PCDHA1: variants seen among roughly 807,000 people sequenced by gnomAD.
The protein encoded by PCDHA1 is protocadherin alpha-1.
Under a neutral mutation model 61.3 loss-of-function variants are expected in PCDHA1, and 42 were observed. That is an observed-to-expected ratio of 0.69 (90% CI 0.54 to 0.89). The LOEUF (loss-of-function observed/expected upper bound fraction) is 0.89, where lower values mean the gene tolerates loss of function less well. Among genes scored for constraint, PCDHA1 ranks in the 40% least tolerant of loss-of-function variants. PCDHA1 has a pLI of 0.00. For synonymous variants in PCDHA1, 610 were observed against 553.8 expected (o/e 1.10, Z -1.43); for missense variants, 1,256 against 1,235.3 (o/e 1.02, Z -0.25).
chr5:140,863,354 T>C, intron 1 of PCDHA1: 1 of 1,283,244 alleles, frequency 7.8e-7, no homozygotes, highest in Non-Finnish European at 1.1e-6. Flanking sequence ...TACACGACGC[T>C]GCGGTGCTTG....
In PCDHA1 at chr5:140,972,718, C is replaced by T. The variant is rs921637217; in HGVS notation, c.2395-6231C>T. Among the ~76,000 whole-genome samples the T allele has an allele frequency of 9.2e-5, 13 of 142,004 alleles. No individual in the cohort carries two copies. In the East Asian group the frequency reaches 2.5e-3, roughly 27 times the overall value. The allele number at this position is 142,004 out of a possible 152,430, so 93.2% of individuals were successfully genotyped here. A position where few individuals can be genotyped will look rare whatever the true frequency, so the allele number is the denominator to read the frequency against. Reference sequence around the variant, plus strand: ...CTCACTCTGTTGCCAGGCTGGAGTGCAGTGGCGTAATCCCGGCTCACTGCA... The same window carrying T: ...CTCACTCTGTTGCCAGGCTGGAGTGTAGTGGCGTAATCCCGGCTCACTGCA... On this transcript the variant is annotated intron_variant, in intron 1 of 3. Coordinates refer to ENST00000504120, the MANE Select transcript of PCDHA1 (RefSeq NM_018900.4).
In PCDHA1 at chr5:141,010,166, A is replaced by G; in HGVS notation, c.*229A>G. 1 of 1,562,828 alleles carries G rather than the reference A, an allele frequency of 6.4e-7. No homozygotes were observed. The highest frequency in any genetic ancestry group is 8.7e-7 in the Non-Finnish European group (1 of 1,152,678). ...TCTCTCCACTCTGGCTTGTTTTCAG[A>G]ACCTAAAAAGCAGACCCAAGTTTCC... On this transcript the variant is annotated 3_prime_UTR_variant, in exon 4 of 4. Transcript: ENST00000504120.
At chr5:140,828,942 T>G (rs2150161123) in intron 1 of PCDHA1, 2 of 1,614,258 alleles carry the variant, frequency 1.2e-6, no homozygotes, top group Admixed American at 3.3e-5. Context: ...TTTAATAGCC[T>G]TGTTGCAGCC....
intron 1 of PCDHA1, chr5:140,809,622 C>T: frequency 6.6e-7 from 1 of 1,509,540 alleles, no homozygotes; most frequent in Non-Finnish European, 8.9e-7. Context: ...TTTTCTCTAT[C>T]AACTTCTTCG....
chr5:140,879,889 C>T (rs897508016), intron 1 of PCDHA1, among the ~76,000 whole-genome samples: 3 of 152,200 alleles, frequency 2.0e-5, no homozygotes, highest in Non-Finnish European at 4.4e-5. Context: ...GCCTCCTCCT[C>T]TCCATGTCTC....
chr5:140,871,257 G>C (rs374337862), intron 1 of PCDHA1: 21 of 1,613,824 alleles, frequency 1.3e-5, no homozygotes, highest in East Asian at 2.2e-5. Context: ...TGCTGTATAC[G>C]GCGCTGTGGT....
intron 1 of PCDHA1, chr5:140,877,641 C>T (rs548787462): frequency 1.9e-6 from 3 of 1,613,592 alleles, no homozygotes; most frequent in Non-Finnish European, 2.5e-6. Context: ...CGCTGCGTTG[C>T]TCAGCGCCGC....
intron 1 of PCDHA1, chr5:140,864,136 T>C (rs2048335461): frequency 6.6e-6 from 1 of 152,238 alleles, no homozygotes; most frequent in African/African-American, 2.4e-5. Flanking sequence ...AGTGGCTGTT[T>C]CCTGTAAATG....
At chr5:140,925,072 G>A (rs921580794) in intron 1 of PCDHA1, among the ~76,000 whole-genome samples, 10 of 149,184 alleles carry the variant, frequency 6.7e-5, no homozygotes, top group Admixed American at 2.0e-4. Flanking sequence ...AAAGCAACAC[G>A]CTCATCTGGA....
At chr5:140,834,441 A>T in intron 1 of PCDHA1, 1 of 1,613,992 alleles carries the variant, frequency 6.2e-7, no homozygotes, top group Non-Finnish European at 8.5e-7. Context: ...GTTTATTATA[A>T]TTCTAGCAGC....
intron 1 of PCDHA1, chr5:140,802,821 G>A (rs781849256): frequency 3.1e-6 from 5 of 1,613,484 alleles, no homozygotes; most frequent in Non-Finnish European, 4.2e-6. Context: ...CGATGCGGGC[G>A]TGCCGCCTCT....
At chr5:140,797,494 T>C (rs371756510) in intron 1 of PCDHA1, 3 of 961,552 alleles carry the variant, frequency 3.1e-6, no homozygotes, top group East Asian at 2.6e-5. Flanking sequence ...GAATTAGAGA[T>C]CAATTTATTG....
intron 1 of PCDHA1, among the ~76,000 whole-genome samples, chr5:140,937,096 G>T (rs1173485186): frequency 4.1e-5 from 6 of 146,810 alleles, no homozygotes; most frequent in African/African-American, 1.5e-4. Context: ...GGAGTGCAGT[G>T]GCGCAGTCTC....
intron 1 of PCDHA1, among the ~76,000 whole-genome samples, chr5:140,909,668 CA>C (rs1554193872): frequency 6.6e-6 from 1 of 152,162 alleles, no homozygotes; most frequent in Non-Finnish European, 1.5e-5. Context: ...CTCACTCTAC[CA>C]GTCAGGGAGC....
At position 140,788,576 on chromosome 5, in the gene PCDHA1, G is replaced by A. The variant is rs144043934; in HGVS notation, c.2286G>A (p.Glu762=). 303 of 1,614,176 alleles carry A rather than the reference G, an allele frequency of 1.9e-4. No homozygotes were observed. Among genetic ancestry groups the A allele is most frequent in the Non-Finnish European group, 2.5e-4 (295 of 1,180,026 alleles). The change falls in exon 1 of 4, where the codon GAG becomes GAA. Residue 762 remains glutamate, a synonymous_variant. Transcript: ENST00000504120. ...GGCGGCAGAGGGTGTGCTCTAGCGAGGGCCCACCCAAGACCGACCTCATGG... is the reference window on the plus strand; with the variant it reads ...GGCGGCAGAGGGTGTGCTCTAGCGAAGGCCCACCCAAGACCGACCTCATGG... The part of the protein sequence containing the change: ...QQRRQRVCSS[E]GPPKTDLMAF...
At chr5:140,821,940 G>A (rs1262850471) in intron 1 of PCDHA1, 1 of 1,614,066 alleles carries the variant, frequency 6.2e-7, no homozygotes, top group African/African-American at 1.3e-5. Context: ...GGCTGGAGCT[G>A]GCGGAGCTGG....
In PCDHA1 at chr5:140,875,617, G is replaced by T; in HGVS notation, c.2394+86933G>T. On this transcript the variant is annotated intron_variant, in intron 1 of 3. Coordinates refer to ENST00000504120, the MANE Select transcript of PCDHA1 (RefSeq NM_018900.4). ...ACACGGCACCTTCGTGGGCCGCATC[G>T]CTCAGGACCTGGGGCTGGAGCTGGC... 1 of 1,613,780 alleles carries T rather than the reference G, an allele frequency of 6.2e-7. No homozygotes were observed. The highest frequency in any genetic ancestry group is 2.2e-5 in the East Asian group (1 of 44,888).
At chr5:140,864,420 G>T (rs1430010861) in intron 1 of PCDHA1, 1 of 152,158 alleles carries the variant, frequency 6.6e-6, no homozygotes, top group African/African-American at 2.4e-5. Context: ...AGGCAGCTTC[G>T]TCCACAAACA....
chr5:140,821,664 A>G, intron 1 of PCDHA1: 1 of 1,232,770 alleles, frequency 8.1e-7, no homozygotes, highest in East Asian at 2.5e-5. Context: ...GGCTGTGCCA[A>G]GAAGCTCAGA....
Sources: gnomAD v4.1 joint callset for allele counts (sites outside exome capture counted in the v4.1 genomes callset) on GRCh38, gnomAD v4.1.1 for gene constraint, MANE v1.5 for transcripts, NCBI Gene and HGNC (gene_info 2026-07-23, HGNC 2026-07-21) for gene names.